CIRSR: variants seen among roughly 807,000 people sequenced by gnomAD.
CIRSR encodes the protein corepressor of RBPJ and splicing regulator.
At chr2:174,362,360 T>C in the CIRSR span, among the ~76,000 whole-genome samples, 1 of 123,814 alleles carries the variant, frequency 8.1e-6, no homozygotes, top group African/African-American at 2.7e-5. Flanking sequence ...TAACTAGAAA[T>C]ATATAATAAA....
At chr2:174,348,694 T>G in the CIRSR span, 1 of 1,614,246 alleles carries the variant, frequency 6.2e-7, no homozygotes, top group African/African-American at 1.3e-5. Context: ...CTCCGGCTCC[T>G]TTCCTCCCTG....
chr2:174,353,463 G>C, the CIRSR span, among the ~76,000 whole-genome samples: 1 of 152,192 alleles, frequency 6.6e-6, no homozygotes, highest in East Asian at 1.9e-4. Context: ...ATACAATTAA[G>C]AGCTTTTTGT....
chr2:174,372,797 G>A, the CIRSR span, among the ~76,000 whole-genome samples: 33 of 152,134 alleles, frequency 2.2e-4, no homozygotes, highest in Admixed American at 2.2e-3. Flanking sequence ...GTCCAGGCTG[G>A]TCTCAAACTC....
the CIRSR span, chr2:174,348,575 G>A: frequency 1.2e-6 from 2 of 1,614,082 alleles, no homozygotes; most frequent in African/African-American, 1.3e-5. Context: ...ACAAGTCTGT[G>A]CCATGGCTTC....
chr2:174,371,848 A>G, the CIRSR span, among the ~76,000 whole-genome samples: 1 of 152,248 alleles, frequency 6.6e-6, no homozygotes, highest in Non-Finnish European at 1.5e-5. Flanking sequence ...GCTGTACCCC[A>G]GGAGTGTGAT....
chr2:174,392,638 T>C, the CIRSR span, among the ~76,000 whole-genome samples: 2 of 152,182 alleles, frequency 1.3e-5, no homozygotes, highest in African/African-American at 4.8e-5. Context: ...ACCAATAGCA[T>C]TCAGTGATTG....
At chr2:174,360,326 T>C in the CIRSR span, among the ~76,000 whole-genome samples, 890 of 152,350 alleles carry the variant, frequency 5.8e-3, 10 homozygotes, top group African/African-American at 0.021. Flanking sequence ...AATTATTTCA[T>C]AGGAAAGACT....
At chr2:174,379,505 G>A in the CIRSR span, among the ~76,000 whole-genome samples, 3 of 152,240 alleles carry the variant, frequency 2.0e-5, no homozygotes, top group East Asian at 5.8e-4. Flanking sequence ...CAGTGGGAAA[G>A]CAGCCACAGC....
the CIRSR span, chr2:174,351,802 T>C: frequency 9.7e-7 from 1 of 1,032,772 alleles, no homozygotes; most frequent in South Asian, 1.6e-5. Flanking sequence ...AGGAATGCAG[T>C]TGAAGCTTTG....
At chr2:174,372,237 T>TA in the CIRSR span, among the ~76,000 whole-genome samples, 4 of 152,338 alleles carry the variant, frequency 2.6e-5, no homozygotes, top group East Asian at 5.8e-4. Flanking sequence ...AATGTTAATT[T>TA]AAAAAACTTA....
chr2:174,350,673 G>T, the CIRSR span: 1 of 1,602,934 alleles, frequency 6.2e-7, no homozygotes, highest in East Asian at 2.2e-5. Context: ...AGAAGTTTCT[G>T]TTTTTGTTTG....
the CIRSR span, chr2:174,379,101 A>T: frequency 1.8e-6 from 2 of 1,119,714 alleles, no homozygotes; most frequent in Non-Finnish European, 2.7e-6. Context: ...CAATGTTCAA[A>T]TTCCTATTCC....
the CIRSR span, among the ~76,000 whole-genome samples, chr2:174,357,197 G>C: frequency 6.6e-6 from 1 of 152,100 alleles, no homozygotes; most frequent in Admixed American, 6.5e-5. Flanking sequence ...TTGTCCTGTA[G>C]ATTTCCCACA....
At chr2:174,383,173 A>G in the CIRSR span, among the ~76,000 whole-genome samples, 1 of 152,234 alleles carries the variant, frequency 6.6e-6, no homozygotes, top group Non-Finnish European at 1.5e-5. Context: ...GATCTAATTT[A>G]TAGGTCATGT....
At chr2:174,379,966 G>A in the CIRSR span, among the ~76,000 whole-genome samples, 2 of 151,450 alleles carry the variant, frequency 1.3e-5, no homozygotes, top group Middle Eastern at 3.2e-3. Context: ...CTTGTGATCC[G>A]CCCGCCTCGG....
chr2:174,355,014 C>T, the CIRSR span, among the ~76,000 whole-genome samples: 1 of 151,402 alleles, frequency 6.6e-6, no homozygotes. Context: ...ATACTTAAAC[C>T]TTCTCCTATC....
the CIRSR span, chr2:174,370,157 A>G: frequency 5.6e-6 from 6 of 1,063,796 alleles, no homozygotes; most frequent in African/African-American, 9.8e-5. Flanking sequence ...AGGCTGAAGG[A>G]GAGCTAGCAC....
chr2:174,388,892 G>T, the CIRSR span, among the ~76,000 whole-genome samples: 1 of 152,256 alleles, frequency 6.6e-6, no homozygotes, highest in African/African-American at 2.4e-5. Context: ...CAGTGGGTGA[G>T]TTCTCACAAG....
the CIRSR span, among the ~76,000 whole-genome samples, chr2:174,352,847 G>C: frequency 6.6e-6 from 1 of 152,204 alleles, no homozygotes; most frequent in African/African-American, 2.4e-5. Flanking sequence ...GTTCATACGG[G>C]AGGGTAGGGG....
Sources: gnomAD v4.1 joint callset for allele counts (sites outside exome capture counted in the v4.1 genomes callset) on GRCh38, gnomAD v4.1.1 for gene constraint, MANE v1.5 for transcripts, NCBI Gene and HGNC (gene_info 2026-07-23, HGNC 2026-07-21) for gene names.